ACP2: variants seen among roughly 807,000 people sequenced by gnomAD.
The protein encoded by ACP2 is lysosomal acid phosphatase.
Under a neutral mutation model 54.7 loss-of-function variants are expected in ACP2, and 35 were observed. The observed-to-expected ratio is 0.64, with a 90% CI of 0.49 to 0.85. The LOEUF is 0.85. ACP2 is among the 40% of genes least tolerant of loss of function. The pLI is 0.00. For missense variants in ACP2, 492 were observed against 565.0 expected, an observed-to-expected ratio of 0.87 and a Z score of 1.31; for synonymous variants, 210 against 224.4, an observed-to-expected ratio of 0.94 and a Z score of 0.57.
At chr11:47,247,107 T>G (rs1235765386) in intron 3 of ACP2, among the ~76,000 whole-genome samples, 1 of 152,088 alleles carries the variant, frequency 6.6e-6, no homozygotes, top group Non-Finnish European at 1.5e-5. Context: ...CAGTCCTCCC[T>G]GATGTGCCCT....
At chr11:47,242,662 G>A (rs1953915286) in intron 10 of ACP2, 61 bp downstream of exon 10, 10 of 1,560,384 alleles carry the variant, frequency 6.4e-6, no homozygotes, top group Admixed American at 5.3e-5. Flanking sequence ...CTTGAGATGC[G>A]TGGATGTGAA....
At chr11:47,240,287 G>A (rs748657237) in intron 10 of ACP2, 38 bp from the exon 11 acceptor site, 18 of 1,028,446 alleles carry the variant, frequency 1.8e-5, no homozygotes, top group Admixed American at 1.2e-4. Context: ...TCATGTCAGC[G>A]TTCCATCATA....
chr11:47,242,921 A>G lies in ACP2; in HGVS notation c.963-23T>C, dbSNP rs767569744. The G allele has an allele frequency of 3.7e-6, 6 of 1,609,096 alleles. No individual in the cohort carries two copies. The African/African-American group carries it at 6.7e-5, about 18-fold the overall frequency. On this transcript the variant is annotated intron_variant, in intron 9 of 10. Coordinates refer to ENST00000672073, the MANE Select transcript of ACP2 (RefSeq NM_001610.4). Reference sequence around the variant, plus strand: ...TTCCTGAGGGTCGACAGGAGGCAACATGGGAGCTGCTCAGCCTGCCCATCA... The same window carrying G: ...TTCCTGAGGGTCGACAGGAGGCAACGTGGGAGCTGCTCAGCCTGCCCATCA...
chr11:47,241,621 A>G (rs1953883731), intron 10 of ACP2, among the ~76,000 whole-genome samples: 1 of 152,216 alleles, frequency 6.6e-6, no homozygotes, highest in Admixed American at 6.5e-5. Flanking sequence ...GCAAGAGCTG[A>G]CGGTAGATTG....
At chr11:47,247,005 C>T (rs993298898) in intron 3 of ACP2, among the ~76,000 whole-genome samples, 3 of 152,094 alleles carry the variant, frequency 2.0e-5, no homozygotes, top group Non-Finnish European at 4.4e-5. Context: ...TCTATGGATT[C>T]TTGATACGGC....
At position 47,243,295 on chromosome 11, in the gene ACP2, TCTTC is replaced by T; in HGVS notation, c.795_798del (p.Lys266ThrfsTer2). The T allele has an allele frequency of 6.2e-7, 1 of 1,614,142 alleles. No individual in the cohort carries two copies. Among genetic ancestry groups the T allele is most frequent in the African/African-American group, 1.3e-5 (1 of 75,036 alleles). ...GAGGTGGTCGCCATTAGGGTCAGGT[TCTTC>T]CTTATCTGAGCCAGCAGGACTCCTG... On this transcript the variant is annotated frameshift_variant, in exon 8 of 11. Coordinates refer to ENST00000672073, the MANE Select transcript of ACP2 (RefSeq NM_001610.4). LOFTEE classifies it high-confidence loss of function.
At position 47,240,005 on chromosome 11, in the gene ACP2, G is replaced by T; in HGVS notation, c.*111C>A. 1 of 1,252,032 alleles carries T rather than the reference G, an allele frequency of 8.0e-7. No homozygotes were observed. The highest frequency in any genetic ancestry group is 1.1e-6 in the Non-Finnish European group (1 of 904,106). 77.6% of individuals were successfully genotyped at this position (1,252,032 alleles called of 1,614,324 possible). On this transcript the variant is annotated 3_prime_UTR_variant, in exon 11 of 11. Transcript: ENST00000672073. ...CGCTCATCTGGCTGGGGTCATCAGA[G>T]GGAGGCCCAACCCAGGATCTCCTGT...
At chr11:47,244,912 C>T (rs755379836) in intron 6 of ACP2, 45 bp from the exon 7 acceptor site, 4 of 1,551,664 alleles carry the variant, frequency 2.6e-6, no homozygotes, top group Non-Finnish European at 3.5e-6. Flanking sequence ...CCTAGGCCAG[C>T]CTCTCCAGGG....
rs199680796 is a variant in ACP2, at chr11:47,245,268, A to T, written c.639+37T>A. ...TGGTGACCTGGGCCTGCTGAGAGGG[A>T]AAAGAATGATCACAGTGGGCACCCT... is the stretch of plus-strand genomic sequence containing the variant. On this transcript the variant is annotated intron_variant, in intron 6 of 10. Transcript: ENST00000672073. 33 of 1,603,992 alleles carry T rather than the reference A, an allele frequency of 2.1e-5. 1 individual carries two copies. The Admixed American group carries it at 5.3e-4, about 26-fold the overall frequency.
chr11:47,246,616 C>G (rs766683600), intron 3 of ACP2, among the ~76,000 whole-genome samples: 1 of 152,030 alleles, frequency 6.6e-6, no homozygotes, highest in South Asian at 2.1e-4. Context: ...TGGCTCATGC[C>G]TGTAATCCCA....
In ACP2 at chr11:47,243,146, C is replaced by T. The variant is rs768855130; in HGVS notation, c.856-22G>A. The T allele has an allele frequency of 7.9e-5, 128 of 1,613,508 alleles. No homozygotes were observed. In the Middle Eastern group the frequency reaches 8.2e-4, roughly 10 times the overall value. On this transcript the variant is annotated intron_variant, in intron 8 of 10. Coordinates refer to ENST00000672073, the MANE Select transcript of ACP2 (RefSeq NM_001610.4). ...CGTGCTGCGGGGGAGAGGGGCTGCC[C>T]GTCAGCATTGTTCCCCACACCCGCA...
chr11:47,248,561 A>G, intron 1 of ACP2, 115 bp downstream of exon 1: 1 of 1,551,672 alleles, frequency 6.4e-7, no homozygotes, highest in Non-Finnish European at 8.7e-7. Context: ...CCAACTACCC[A>G]GGCCAGTCGT....
Position 47,248,399 on chromosome 11 carries a change from A to G in ACP2, c.115-266T>C, listed in dbSNP as rs1471637082. 6.1e-5 allele frequency: 92 copies of G among 1,513,502 alleles called. No individual in the cohort carries two copies. In the Admixed American group the frequency reaches 1.2e-3, roughly 20 times the overall value. 93.8% of individuals were successfully genotyped at this position (1,513,502 alleles called of 1,614,324 possible). On this transcript the variant is annotated intron_variant, in intron 1 of 10. Transcript: ENST00000672073. ...AGTGAAAGCAACGTATGTGGTGGGG[A>G]CAACTGGGGAAAAAAGATAACCAAA...
Position 47,247,677 on chromosome 11 carries a change from A to G in ACP2, c.261T>C (p.Tyr87=). The G allele has an allele frequency of 6.2e-7, 1 of 1,614,156 alleles. No individual in the cohort carries two copies. Among genetic ancestry groups the G allele is most frequent in the Non-Finnish European group, 8.5e-7 (1 of 1,180,040 alleles). Reference sequence around the variant, plus strand: ...GATAAGAGGTGTTTAGGAAGCCGTGATAGCGCTGCCGCAGGGCCTGGCCCA... The same window carrying G: ...GATAAGAGGTGTTTAGGAAGCCGTGGTAGCGCTGCCGCAGGGCCTGGCCCA... ...WELGQALRQR[Y]HGFLNTSYHR... Residue 87 remains tyrosine, a synonymous_variant, in exon 3 of 11, where the codon TAT becomes TAC. Coordinates refer to ENST00000672073, the MANE Select transcript of ACP2 (RefSeq NM_001610.4).
chr11:47,243,219 T>C lies in ACP2; in HGVS notation c.855+20A>G. The stretch of plus-strand genomic sequence containing the variant: ...CAGCTCCTTGCCTGACACAGCACGC[T>C]AGGGAGCGCAGGCACTCACCGCAGA... On this transcript the variant is annotated intron_variant, in intron 8 of 10. Coordinates refer to ENST00000672073, the MANE Select transcript of ACP2 (RefSeq NM_001610.4). 1 of 1,613,834 alleles carries C rather than the reference T, an allele frequency of 6.2e-7. No homozygotes were observed. The highest frequency in any genetic ancestry group is 2.2e-5 in the East Asian group (1 of 44,866).
In ACP2 at chr11:47,247,701, C is replaced by G. The variant is rs2135544139; in HGVS notation, c.237G>C (p.Leu79=). The G allele has an allele frequency of 1.9e-6, 3 of 1,613,974 alleles. No individual in the cohort carries two copies. In the African/African-American group the frequency reaches 4.0e-5, roughly 22 times the overall value. ...TKEGMLQHWE[L]GQALRQRYHG... is the part of the protein sequence containing the mutation. ...GATAGCGCTGCCGCAGGGCCTGGCC[C>G]AGTTCCCAGTGCTGTAGCATCCCCT... The change falls in exon 3 of 11, where the codon CTG becomes CTC. Residue 79 remains leucine (L), a synonymous_variant. Transcript: ENST00000672073.
chr11:47,241,409 C>T (rs1485996547), intron 10 of ACP2, among the ~76,000 whole-genome samples: 2 of 152,084 alleles, frequency 1.3e-5, no homozygotes, highest in Non-Finnish European at 2.9e-5. Flanking sequence ...CCCAGCTACT[C>T]GGGAGGCTGA....
At chr11:47,242,988 C>G in intron 9 of ACP2, 30 bp downstream of exon 9, 2 of 1,613,678 alleles carry the variant, frequency 1.2e-6, no homozygotes, top group Non-Finnish European at 1.7e-6. Flanking sequence ...CGAGGGCCCC[C>G]CTCCAGAGGA....
At position 47,247,755 on chromosome 11, in the gene ACP2, G is replaced by T. The variant is rs759407660; in HGVS notation, c.211-28C>A. The T allele has an allele frequency of 3.1e-6, 5 of 1,607,256 alleles. No homozygotes were observed. The South Asian group carries it at 5.5e-5, about 18-fold the overall frequency. Reference sequence around the variant, plus strand: ...GTGGGCAAACCCAAGGGTTAAGAGGGTCTAGAGGGAAGGGGTGGCTTCAAG... The same window carrying T: ...GTGGGCAAACCCAAGGGTTAAGAGGTTCTAGAGGGAAGGGGTGGCTTCAAG... On this transcript the variant is annotated intron_variant, in intron 2 of 10. Transcript: ENST00000672073.
Sources: gnomAD v4.1 joint callset for allele counts (sites outside exome capture counted in the v4.1 genomes callset) on GRCh38, gnomAD v4.1.1 for gene constraint, MANE v1.5 for transcripts, NCBI Gene and HGNC (gene_info 2026-07-23, HGNC 2026-07-21) for gene names.